PHF7: variants seen among roughly 807,000 people sequenced by gnomAD.
PHF7 encodes the protein E3 ubiquitin-protein ligase PHF7.
In PHF7, 24 loss-of-function variants were observed where a neutral mutation model predicts 47.5. The observed-to-expected ratio is 0.51, with a 90% confidence interval of 0.37 to 0.71. The LOEUF is 0.71. PHF7 is among the 30% of genes least tolerant of loss of function. The probability of loss-of-function intolerance (pLI) is 0.00; values close to 1 mark genes in which losing one functional copy is unlikely to be tolerated. For synonymous variants in PHF7, 156 were observed against 153.8 expected (o/e 1.01, Z -0.11); for missense variants, 361 against 456.8 (o/e 0.79, Z 1.91).
chr3:52,419,147 TC>T (rs555129644), intron 4 of PHF7, among the ~76,000 whole-genome samples: 6 of 151,898 alleles, frequency 4.0e-5, no homozygotes, highest in Non-Finnish European at 8.8e-5. Flanking sequence ...AGGAAATGTT[TC>T]CCCCAAAGTC....
At chr3:52,417,399 A>G (rs1465023537) in intron 4 of PHF7, among the ~76,000 whole-genome samples, 1 of 152,224 alleles carries the variant, frequency 6.6e-6, no homozygotes, top group Non-Finnish European at 1.5e-5. Flanking sequence ...GACAAAAAAT[A>G]TTGAACCTTC....
intron 7 of PHF7, 77 bp from the exon 8 acceptor site, chr3:52,421,570 AG>A (rs1705791841): frequency 2.4e-6 from 2 of 833,270 alleles, no homozygotes; most frequent in African/African-American, 1.7e-5. Flanking sequence ...TCCTCTTTGT[AG>A]GGGTGAGGGT....
chr3:52,420,367 C>T lies in PHF7; in HGVS notation c.345C>T (p.Cys115=), dbSNP rs1236595298. The T allele has an allele frequency of 1.9e-6, 3 of 1,613,578 alleles. No homozygotes were observed. In the Admixed American group the frequency reaches 5.0e-5, roughly 27 times the overall value. Residue 115 remains cysteine (C), a synonymous_variant, in exon 6 of 11, where the codon TGC becomes TGT. Coordinates refer to ENST00000327906, the MANE Select transcript of PHF7 (RefSeq NM_016483.7). ...CTATCAACTGCCAGAAGGATCAGTG[C>T]CTCAGAAACTTCCATCTGCCTTGTG... ...GAAINCQKDQ[C]LRNFHLPCGQ...
In PHF7 at chr3:52,410,678, C is replaced by G. The variant is rs894665713; in HGVS notation, c.-639C>G. On this transcript the variant is annotated 5_prime_UTR_variant, in exon 1 of 11. Transcript: ENST00000327906. ...CGCTCGCAGTCTTCGCCGGCGCAGTCACCGCGCAGGGCGGCCGCCCGGAGG... is the reference window on the plus strand; with the variant it reads ...CGCTCGCAGTCTTCGCCGGCGCAGTGACCGCGCAGGGCGGCCGCCCGGAGG... The G allele has an allele frequency of 2.0e-5, 3 of 152,744 alleles. No homozygotes were observed. The highest frequency in any genetic ancestry group is 7.2e-5 in the African/African-American group (3 of 41,594). The allele number at this position is 152,744 out of a possible 1,614,324, so 9.5% of individuals were successfully genotyped here.
chr3:52,422,487 C>T (rs536832764), intron 9 of PHF7, 149 bp downstream of exon 9: 1 of 683,612 alleles, frequency 1.5e-6, no homozygotes, highest in East Asian at 2.6e-5. Flanking sequence ...ACCAGCCCGA[C>T]TCACTTGTGT....
At chr3:52,414,722 T>C (rs985799757) in intron 4 of PHF7, 135 bp downstream of exon 4, 1 of 499,424 alleles carries the variant, frequency 2.0e-6, no homozygotes, top group Non-Finnish European at 3.5e-6. Flanking sequence ...TAAAATCTAT[T>C]TTTAGGCTGG....
At chr3:52,416,471 A>C (rs1471636379) in intron 4 of PHF7, among the ~76,000 whole-genome samples, 2 of 149,456 alleles carry the variant, frequency 1.3e-5, no homozygotes, top group Non-Finnish European at 3.0e-5. Context: ...GGCGTGAGCC[A>C]CCGCGCCTGG....
intron 3 of PHF7, 146 bp downstream of exon 3, chr3:52,414,194 C>G (rs182829207): frequency 7.9e-6 from 5 of 629,690 alleles, no homozygotes; most frequent in African/African-American, 5.6e-5. Context: ...GACTCAGGAA[C>G]TGCCATTTTA....
In PHF7 at chr3:52,422,203, G is replaced by A; in HGVS notation, c.681-19G>A. ...CCAACCCATTATGTTCTTATTCACT[G>A]TTTCTTCTCCCACTGCAGAGATGCT... On this transcript the variant is annotated intron_variant, in intron 8 of 10. Transcript: ENST00000327906. 1.3e-6 allele frequency: 2 copies of A among 1,528,644 alleles called. 1 individual carries two copies. Among genetic ancestry groups the A allele is most frequent in the Middle Eastern group, 3.4e-4 (2 of 5,894 alleles). The allele number at this position is 1,528,644 out of a possible 1,614,324, so 94.7% of individuals were successfully genotyped here. A position where few individuals can be genotyped will look rare whatever the true frequency, so the allele number is the denominator to read the frequency against.
rs1267874861 is a variant in PHF7 at position 52,410,722 on chromosome 3, T to C, written c.-595T>C. ...CCGGAGGTAGCTACCACGGCCTGTG[T>C]CAACGACTAAAGCTCCAGTACAGCG... On this transcript the variant is annotated 5_prime_UTR_variant, in exon 1 of 11. Transcript: ENST00000327906. 1 of 152,526 alleles carries C rather than the reference T, an allele frequency of 6.6e-6. No individual in the cohort carries two copies. Among genetic ancestry groups the C allele is most frequent in the Non-Finnish European group, 1.5e-5 (1 of 68,086 alleles). 9.4% of individuals were successfully genotyped at this position (152,526 alleles called of 1,614,324 possible). A position where few individuals can be genotyped will look rare whatever the true frequency, so the allele number is the denominator to read the frequency against.
At position 52,413,514 on chromosome 3, in the gene PHF7, CAGTG is replaced by C. The variant is rs201397189; in HGVS notation, c.42-478_42-475del. On this transcript the variant is annotated intron_variant, in intron 2 of 10. Coordinates refer to ENST00000327906, the MANE Select transcript of PHF7 (RefSeq NM_016483.7). ...ATCCGGTTCCTGCCCTCAAATAACT[CAGTG>C]AGTATGTTTTGCACTTAAAAAAAAT... Among the ~76,000 whole-genome samples, 1,275 of 152,308 alleles carry C rather than the reference CAGTG, an allele frequency of 8.4e-3. 8 individuals carry two copies. Among genetic ancestry groups the C allele is most frequent in the South Asian group, 0.03 (143 of 4,824 alleles).
chr3:52,413,878 G>C lies in PHF7; in HGVS notation c.42-118G>C, dbSNP rs888990812. On this transcript the variant is annotated intron_variant, in intron 2 of 10. Coordinates refer to ENST00000327906, the MANE Select transcript of PHF7 (RefSeq NM_016483.7). ...AATATGAAAAGAAGCTGATGTCTTA[G>C]GCTTTAGATATGTTGGTCCTTCATC... The C allele has an allele frequency of 1.6e-5, 11 of 709,186 alleles. No homozygotes were observed. The East Asian group carries it at 2.8e-4, about 18-fold the overall frequency. The allele number at this position is 709,186 out of a possible 1,614,324, so 43.9% of individuals were successfully genotyped here. A position where few individuals can be genotyped will look rare whatever the true frequency, so the allele number is the denominator to read the frequency against.
chr3:52,422,895 G>A lies in PHF7; in HGVS notation c.919+14G>A. Reference sequence around the variant, plus strand: ...CTGCAGCCACAGGTGAGGCTGGAGGGATGGGCCGGCCTCAGAGCAAGGAGG... The same window carrying A: ...CTGCAGCCACAGGTGAGGCTGGAGGAATGGGCCGGCCTCAGAGCAAGGAGG... On this transcript the variant is annotated intron_variant, in intron 10 of 10. Coordinates refer to ENST00000327906, the MANE Select transcript of PHF7 (RefSeq NM_016483.7). 6.2e-7 allele frequency: 1 copy of A among 1,614,028 alleles called. No homozygotes were observed. Among genetic ancestry groups the A allele is most frequent in the Non-Finnish European group, 8.5e-7 (1 of 1,179,968 alleles).
At chr3:52,412,004 C>G (rs2153228857) in intron 1 of PHF7, among the ~76,000 whole-genome samples, 1 of 152,180 alleles carries the variant, frequency 6.6e-6, no homozygotes, top group Admixed American at 6.5e-5. Context: ...TCACTGGAGC[C>G]CAGGAGTTGA....
At position 52,419,934 on chromosome 3, in the gene PHF7, G is replaced by A; in HGVS notation, c.288G>A (p.Lys96=). Residue 96 remains lysine (K), a splice_region_variant and synonymous_variant, in exon 5 of 11, where the codon AAG becomes AAA. Coordinates refer to ENST00000327906, the MANE Select transcript of PHF7 (RefSeq NM_016483.7). ...IKKEAARASR[K]ICFVCKKKGA... ...AGGAGGCAGCCCGGGCTTCTAGGAA[G>A]GTTAGAATCTCTTGAAATGAGGACC... 1 of 1,583,122 alleles carries A rather than the reference G, an allele frequency of 6.3e-7. No homozygotes were observed. The highest frequency in any genetic ancestry group is 8.6e-7 in the Non-Finnish European group (1 of 1,158,128).
Position 52,423,462 on chromosome 3 carries a change from T to A in PHF7, c.*145T>A, listed in dbSNP as rs892756695. The A allele has an allele frequency of 6.5e-6, 4 of 614,436 alleles. No homozygotes were observed. The African/African-American group carries it at 7.4e-5, about 11-fold the overall frequency. The allele number at this position is 614,436 out of a possible 1,614,324, so 38.1% of individuals were successfully genotyped here. A position where few individuals can be genotyped will look rare whatever the true frequency, so the allele number is the denominator to read the frequency against. On this transcript the variant is annotated 3_prime_UTR_variant, in exon 11 of 11. Transcript: ENST00000327906. ...TGAGCCAAGCAAAGAGAAGTCTCAG[T>A]GGAGCATGAGGAGGGAGCAGTCCAG...
chr3:52,413,708 G>A (rs1400194062), intron 2 of PHF7, among the ~76,000 whole-genome samples: 9 of 152,156 alleles, frequency 5.9e-5, no homozygotes, highest in Non-Finnish European at 1.2e-4. Context: ...GGTGACAGGC[G>A]CCTGTAATCC....
At chr3:52,421,596 G>A (rs1310136619) in intron 7 of PHF7, 52 bp from the exon 8 acceptor site, 4 of 992,562 alleles carry the variant, frequency 4.0e-6, no homozygotes, top group Non-Finnish European at 4.9e-6. Flanking sequence ...GGAGAAAGAA[G>A]GTAGTCAAAG....
At chr3:52,411,447 CAG>C (rs1261424566) in intron 1 of PHF7, 200 bp downstream of exon 1, 1 of 152,306 alleles carries the variant, frequency 6.6e-6, no homozygotes, top group East Asian at 1.9e-4. Context: ...GAGGAGGAGA[CAG>C]AACAAGCACA....
Sources: allele counts gnomAD v4.1 joint callset (sites outside exome capture counted in the v4.1 genomes callset), GRCh38; gene constraint gnomAD v4.1.1; transcripts MANE v1.5; gene names NCBI Gene and HGNC (gene_info 2026-07-23, HGNC 2026-07-21).